Variants in ADAM9 observed in about 807,000 individuals in gnomAD.
ADAM9 encodes the protein disintegrin and metalloproteinase domain-containing protein 9.
In ADAM9, 54 loss-of-function variants were observed where a neutral mutation model predicts 108.1. That is an observed-to-expected ratio of 0.50 (90% CI 0.40 to 0.63). The LOEUF is 0.63. Among genes scored for constraint, ADAM9 ranks in the 20% least tolerant of loss-of-function variants. The pLI is 0.00. For synonymous variants in ADAM9, 316 were observed against 336.0 expected (o/e 0.94, Z 0.65); for missense variants, 830 against 997.7 (o/e 0.83, Z 2.26).
At chr8:39,102,532 C>T (rs1198210883) in intron 21 of ADAM9, among the ~76,000 whole-genome samples, 1 of 152,142 alleles carries the variant, frequency 6.6e-6, no homozygotes, top group East Asian at 1.9e-4. Flanking sequence ...AGGGTCTGTG[C>T]TGGGACCCAG....
intron 18 of ADAM9, among the ~76,000 whole-genome samples, chr8:39,085,924 A>T (rs1447520551): frequency 6.6e-6 from 1 of 151,622 alleles, no homozygotes; most frequent in African/African-American, 2.4e-5. Context: ...AGGTCCTCCA[A>T]TTTTATGTAT....
chr8:39,035,815 TCAAAACAAAA>T (rs1044278358), intron 11 of ADAM9, among the ~76,000 whole-genome samples: 94 of 152,172 alleles, frequency 6.2e-4, no homozygotes, highest in African/African-American at 1.7e-3. Flanking sequence ...AGACTCTGTC[TCAAAACAAAA>T]CAAAACAAAA....
chr8:39,017,061 C>A, intron 5 of ADAM9, 158 bp from the exon 6 acceptor site: 2 of 784,622 alleles, frequency 2.5e-6, no homozygotes, highest in South Asian at 1.7e-5. Flanking sequence ...TTAGGTCCGT[C>A]CCAGCCCTAT....
intron 3 of ADAM9, among the ~76,000 whole-genome samples, 177 bp downstream of exon 3, chr8:39,011,893 A>G (rs1174676367): frequency 6.6e-6 from 1 of 152,190 alleles, no homozygotes; most frequent in African/African-American, 2.4e-5. Context: ...TCTAAACAGG[A>G]AAGAAGGCAG....
At chr8:39,051,238 C>T (rs1342508097) in intron 12 of ADAM9, among the ~76,000 whole-genome samples, 1 of 152,124 alleles carries the variant, frequency 6.6e-6, no homozygotes, top group Non-Finnish European at 1.5e-5. Context: ...CCAACTCTTT[C>T]TCTCCTCAGG....
chr8:39,043,960 A>G (rs1457446075), intron 12 of ADAM9, among the ~76,000 whole-genome samples: 1 of 152,150 alleles, frequency 6.6e-6, no homozygotes, highest in African/African-American at 2.4e-5. Context: ...ATTTTTTGCT[A>G]TTGAGCTGTA....
rs1303177504 is a variant in ADAM9, at chr8:39,077,396, A to G, written c.1866A>G (p.Lys622=). The part of the protein sequence containing the change: ...PDPGMVNEGT[K]CGAGKICRNF... Reference sequence around the variant, plus strand: ...CTGGGATGGTTAACGAAGGCACAAAATGTGGTGCTGGAAAGGTAATCAAAA... The same window carrying G: ...CTGGGATGGTTAACGAAGGCACAAAGTGTGGTGCTGGAAAGGTAATCAAAA... The change falls in exon 16 of 22, where the codon AAA becomes AAG. Residue 622 remains lysine (K), a synonymous_variant. Coordinates refer to ENST00000487273, the MANE Select transcript of ADAM9 (RefSeq NM_003816.3). The G allele has an allele frequency of 6.2e-7, 1 of 1,613,210 alleles. No homozygotes were observed. Among genetic ancestry groups the G allele is most frequent in the African/African-American group, 1.3e-5 (1 of 74,924 alleles).
chr8:39,068,225 G>C (rs1217488057), intron 14 of ADAM9, among the ~76,000 whole-genome samples: 4 of 152,166 alleles, frequency 2.6e-5, no homozygotes, highest in Admixed American at 2.0e-4. Flanking sequence ...CTAGGCTCAT[G>C]GGGGAGGCTT....
intron 21 of ADAM9, among the ~76,000 whole-genome samples, chr8:39,102,179 C>T (rs111470627): frequency 2.0e-5 from 3 of 152,000 alleles, no homozygotes; most frequent in Admixed American, 6.6e-5. Flanking sequence ...CATGTGCATA[C>T]GATTTAGAAG....
intron 11 of ADAM9, among the ~76,000 whole-genome samples, chr8:39,035,741 CG>C (rs1837251176): frequency 6.6e-6 from 1 of 152,020 alleles, no homozygotes; most frequent in Non-Finnish European, 1.5e-5. Context: ...GGCATGAACC[CG>C]GGAGGCAGAG....
At chr8:39,047,734 C>G (rs892948598) in intron 12 of ADAM9, among the ~76,000 whole-genome samples, 5 of 151,844 alleles carry the variant, frequency 3.3e-5, no homozygotes, top group Admixed American at 3.3e-4. Flanking sequence ...AATACTAACT[C>G]TTGGTTTTGC....
intron 14 of ADAM9, among the ~76,000 whole-genome samples, chr8:39,065,012 C>T (rs186245913): frequency 2.7e-3 from 408 of 152,148 alleles, no homozygotes; most frequent in Admixed American, 8.4e-3. Context: ...TTTTATTCAC[C>T]GTGCTATGTA....
chr8:39,001,246 T>C (rs1403834700), intron 1 of ADAM9, among the ~76,000 whole-genome samples: 1 of 152,218 alleles, frequency 6.6e-6, no homozygotes, highest in Non-Finnish European at 1.5e-5. Context: ...GTGTAGGCTA[T>C]GTAGATTTGT....
chr8:39,041,874 A>G (rs1386684068), intron 11 of ADAM9, 72 bp from the exon 12 acceptor site: 4 of 1,417,420 alleles, frequency 2.8e-6, no homozygotes, highest in Admixed American at 1.7e-5. Flanking sequence ...TTTGTGGGTT[A>G]AAGTCATGAC....
At chr8:39,014,310 A>G (rs2129432837) in intron 4 of ADAM9, 1 of 552,318 alleles carries the variant, frequency 1.8e-6, no homozygotes, top group Middle Eastern at 4.6e-4. Flanking sequence ...CTTACTGATG[A>G]GAAAATTTGA....
At chr8:39,012,497 A>C (rs1006980772) in intron 3 of ADAM9, among the ~76,000 whole-genome samples, 1 of 152,196 alleles carries the variant, frequency 6.6e-6, no homozygotes, top group Non-Finnish European at 1.5e-5. Flanking sequence ...ACATGCACAC[A>C]TATGTTTATT....
At chr8:39,045,464 G>GCGTGTGTACACACACCTATATGTGCA (rs1837718719) in intron 12 of ADAM9, among the ~76,000 whole-genome samples, 1 of 146,688 alleles carries the variant, frequency 6.8e-6, no homozygotes, top group African/African-American at 2.6e-5. Context: ...CTATATGTGC[G>GCGTGTGTACACACACCTATATGTGCA]TGTGTGTACA....
At chr8:39,004,877 G>T (rs534158079) in intron 1 of ADAM9, among the ~76,000 whole-genome samples, 13 of 152,240 alleles carry the variant, frequency 8.5e-5, no homozygotes, top group African/African-American at 3.1e-4. Flanking sequence ...CACTTTCCTC[G>T]CAGTCTTGGT....
intron 11 of ADAM9, among the ~76,000 whole-genome samples, chr8:39,039,694 G>T (rs1376659109): frequency 2.0e-5 from 3 of 152,098 alleles, no homozygotes; most frequent in Admixed American, 6.5e-5. Flanking sequence ...CATCCTCCAG[G>T]TTCCTCCATG....
Sources: allele counts gnomAD v4.1 joint callset (sites outside exome capture counted in the v4.1 genomes callset), GRCh38; gene constraint gnomAD v4.1.1; transcripts MANE v1.5; gene names NCBI Gene and HGNC (gene_info 2026-07-23, HGNC 2026-07-21).